Variants in AIG1 observed in about 807,000 individuals in gnomAD.
AIG1 encodes the protein androgen induced 1, also known as androgen-induced gene 1 protein.
In AIG1, 23 loss-of-function variants were observed where a neutral mutation model predicts 31.4. That is an observed-to-expected ratio of 0.73 (90% CI 0.53 to 1.04). The LOEUF (loss-of-function observed/expected upper bound fraction) is 1.04. AIG1 is among the 50% of genes least tolerant of loss of function. The pLI is 0.00. For missense variants in AIG1, 274 were observed against 295.0 expected, an observed-to-expected ratio of 0.93 and a Z score of 0.52; for synonymous variants, 100 against 110.5, an observed-to-expected ratio of 0.90 and a Z score of 0.60.
At chr6:143,096,904 A>G (rs1049124561) in intron 1 of AIG1, among the ~76,000 whole-genome samples, 1 of 152,182 alleles carries the variant, frequency 6.6e-6, no homozygotes, top group African/African-American at 2.4e-5. Context: ...TTTTATTGAA[A>G]GTCAACCTAG....
At chr6:143,071,993 C>T (rs1583065654) in intron 1 of AIG1, among the ~76,000 whole-genome samples, 1 of 151,594 alleles carries the variant, frequency 6.6e-6, no homozygotes, top group South Asian at 2.1e-4. Flanking sequence ...GGCTTTGCTG[C>T]ATTACCCAGG....
chr6:143,211,815 C>T (rs1791612882), intron 3 of AIG1, among the ~76,000 whole-genome samples: 1 of 151,998 alleles, frequency 6.6e-6, no homozygotes, highest in Non-Finnish European at 1.5e-5. Flanking sequence ...ATTGCTTGAA[C>T]CCAGGATGTG....
chr6:143,210,225 T>C (rs550275765), intron 3 of AIG1, among the ~76,000 whole-genome samples: 1 of 152,340 alleles, frequency 6.6e-6, no homozygotes, highest in South Asian at 2.1e-4. Flanking sequence ...GCCATGATTG[T>C]AAGTTTATTT....
intron 1 of AIG1, among the ~76,000 whole-genome samples, chr6:143,078,803 G>A (rs1196916264): frequency 6.6e-6 from 1 of 152,144 alleles, no homozygotes; most frequent in African/African-American, 2.4e-5. Context: ...ATTTGGGTGG[G>A]GACACAGCCA....
In AIG1 at chr6:143,331,509, A is replaced by G. The variant is rs1777067701; in HGVS notation, c.516-1773A>G. Among the ~76,000 whole-genome samples, 1 of 152,180 alleles carries G rather than the reference A, an allele frequency of 6.6e-6. No individual in the cohort carries two copies. The highest frequency in any genetic ancestry group is 2.1e-4 in the South Asian group (1 of 4,826). ...GCTTAGCATAATGTTTTCAAGGTCC[A>G]TCCATGTTGTAGCATGTATCAACAT... On this transcript the variant is annotated intron_variant, in intron 4 of 5. Transcript: ENST00000357847. The surrounding 1 kb of genome is among the most constrained non-coding windows in gnomAD (Gnocchi z 4.1).
intron 2 of AIG1, among the ~76,000 whole-genome samples, chr6:143,139,125 G>A (rs1437141975): frequency 1.3e-5 from 2 of 152,096 alleles, no homozygotes; most frequent in Non-Finnish European, 2.9e-5. Context: ...AACTCTTGGT[G>A]TCTTTCCTAA....
intron 1 of AIG1, chr6:143,061,572 C>T: frequency 3.3e-6 from 1 of 300,640 alleles, no homozygotes; most frequent in Non-Finnish European, 6.7e-6. Flanking sequence ...AGAGAAAGCA[C>T]CTAATAAAGT....
At chr6:143,322,614 C>T (rs1044967504) in intron 4 of AIG1, among the ~76,000 whole-genome samples, 1 of 152,108 alleles carries the variant, frequency 6.6e-6, no homozygotes, top group Non-Finnish European at 1.5e-5. Flanking sequence ...ACCATAAAAC[C>T]AGGTAGACTT....
At chr6:143,206,682 A>C (rs1269798238) in intron 3 of AIG1, among the ~76,000 whole-genome samples, 12 of 152,350 alleles carry the variant, frequency 7.9e-5, no homozygotes, top group Non-Finnish European at 1.5e-5. Context: ...ATACAAAAAC[A>C]AAACAAAAAA....
At chr6:143,316,285 C>G (rs1253738165) in intron 4 of AIG1, among the ~76,000 whole-genome samples, 1 of 152,056 alleles carries the variant, frequency 6.6e-6, no homozygotes, top group Non-Finnish European at 1.5e-5. Flanking sequence ...CCCTAAGCTA[C>G]CACAGCACAG....
intron 3 of AIG1, among the ~76,000 whole-genome samples, chr6:143,238,752 A>G (rs1794001834): frequency 6.6e-6 from 1 of 152,240 alleles, no homozygotes; most frequent in African/African-American, 2.4e-5. Flanking sequence ...TAACAAGTAA[A>G]TGCTAGAAAA....
intron 3 of AIG1, among the ~76,000 whole-genome samples, chr6:143,195,635 G>C (rs1026283701): frequency 2.7e-5 from 4 of 150,924 alleles, no homozygotes; most frequent in African/African-American, 9.7e-5. Context: ...GAGGGAGCAC[G>C]GGGGAGGACA....
At chr6:143,069,543 C>T (rs532274803) in intron 1 of AIG1, among the ~76,000 whole-genome samples, 1 of 152,234 alleles carries the variant, frequency 6.6e-6, no homozygotes, top group South Asian at 2.1e-4. Context: ...GTAGCACTAT[C>T]TCATTGTGGT....
At chr6:143,270,405 C>G (rs1181232471) in intron 3 of AIG1, among the ~76,000 whole-genome samples, 2 of 152,230 alleles carry the variant, frequency 1.3e-5, no homozygotes, top group African/African-American at 2.4e-5. Context: ...TTCTTAGAGG[C>G]CTTTCTCCAC....
intron 2 of AIG1, among the ~76,000 whole-genome samples, chr6:143,156,344 T>C (rs1327026078): frequency 6.6e-6 from 1 of 152,172 alleles, no homozygotes; most frequent in Admixed American, 6.5e-5. Flanking sequence ...GAGTATCTTC[T>C]TAAAATATTA....
intron 1 of AIG1, among the ~76,000 whole-genome samples, chr6:143,112,386 T>C (rs1184083518): frequency 1.3e-5 from 2 of 152,212 alleles, no homozygotes; most frequent in African/African-American, 4.8e-5. Context: ...TTATATTGCA[T>C]TATATGTGTT....
intron 3 of AIG1, among the ~76,000 whole-genome samples, chr6:143,179,384 A>G (rs1269584775): frequency 7.9e-5 from 12 of 152,234 alleles, no homozygotes; most frequent in Admixed American, 7.9e-4. Context: ...AAGAGTCTCT[A>G]CATAGTTTCT....
chr6:143,132,201 A>G (rs1386819526), intron 1 of AIG1, among the ~76,000 whole-genome samples: 5 of 152,190 alleles, frequency 3.3e-5, no homozygotes, highest in Admixed American at 2.6e-4. Flanking sequence ...TTATTTTCAT[A>G]TCTATATTAT....
chr6:143,238,306 C>G (rs1793968203), intron 3 of AIG1, among the ~76,000 whole-genome samples: 1 of 152,174 alleles, frequency 6.6e-6, no homozygotes, highest in Non-Finnish European at 1.5e-5. Context: ...AAGTTATGGT[C>G]TCCTGTCCAC....
Sources: allele counts gnomAD v4.1 joint callset (sites outside exome capture counted in the v4.1 genomes callset), GRCh38; gene constraint gnomAD v4.1.1; non-coding constraint Gnocchi (gnomAD v3.1); transcripts MANE v1.5; gene names NCBI Gene and HGNC (gene_info 2026-07-23, HGNC 2026-07-21).